The following CCDC91 variants were observed in gnomAD, a reference collection of about 807,000 sequenced individuals.
CCDC91 encodes coiled-coil domain containing 91.
In CCDC91, 48 loss-of-function variants were observed where a neutral mutation model predicts 63.2. That is an observed-to-expected ratio of 0.76 (90% CI 0.60 to 0.97). The LOEUF (loss-of-function observed/expected upper bound fraction) is 0.97, where lower values mean the gene tolerates loss of function less well. CCDC91 is among the 50% of genes least tolerant of loss of function. The pLI is 0.00. For synonymous variants in CCDC91, 167 were observed against 165.8 expected (o/e 1.01, Z -0.06); for missense variants, 500 against 494.6 (o/e 1.01, Z -0.10).
chr12:28,537,495 T>G (rs1942271132), intron 12 of CCDC91, among the ~76,000 whole-genome samples: 1 of 152,210 alleles, frequency 6.6e-6, no homozygotes, highest in Non-Finnish European at 1.5e-5. Flanking sequence ...AGTTTTGTTT[T>G]TGTTGTAACA....
At chr12:28,191,842 T>C (rs187232606) in intron 1 of CCDC91, among the ~76,000 whole-genome samples, 1 of 152,290 alleles carries the variant, frequency 6.6e-6, no homozygotes, top group African/African-American at 2.4e-5. Context: ...CTGCATGGTG[T>C]TGGCTAACCA....
chr12:28,408,793 C>T (rs1480213459), intron 8 of CCDC91, among the ~76,000 whole-genome samples: 2 of 152,024 alleles, frequency 1.3e-5, no homozygotes, highest in Non-Finnish European at 1.5e-5. Context: ...CAGGTGTGCA[C>T]CACAATGCCT....
At chr12:28,501,788 T>C (rs1159991380) in intron 12 of CCDC91, among the ~76,000 whole-genome samples, 21 of 151,820 alleles carry the variant, frequency 1.4e-4, no homozygotes, top group African/African-American at 4.8e-4. Context: ...ATGGTACCAG[T>C]TCCTCCTTGT....
chr12:28,482,452 T>C (rs886197339), intron 11 of CCDC91, among the ~76,000 whole-genome samples: 1 of 151,936 alleles, frequency 6.6e-6, no homozygotes, highest in Non-Finnish European at 1.5e-5. Flanking sequence ...CAGTTAATTT[T>C]ATAAGGAAGG....
intron 12 of CCDC91, among the ~76,000 whole-genome samples, chr12:28,510,867 G>C (rs565207733): frequency 1.3e-5 from 2 of 151,932 alleles, no homozygotes; most frequent in African/African-American, 4.8e-5. Flanking sequence ...TGGGAAGAAA[G>C]TCTTAGCATG....
intron 12 of CCDC91, among the ~76,000 whole-genome samples, chr12:28,497,588 T>C (rs1952374028): frequency 6.6e-6 from 1 of 151,582 alleles, no homozygotes; most frequent in African/African-American, 2.4e-5. Context: ...TATGAACATC[T>C]GATTTGAAGT....
intron 12 of CCDC91, among the ~76,000 whole-genome samples, chr12:28,538,014 T>C (rs1272990108): frequency 6.6e-6 from 1 of 152,122 alleles, no homozygotes; most frequent in Non-Finnish European, 1.5e-5. Flanking sequence ...TAATCTCTAA[T>C]TTCTTATATA....
At chr12:28,201,809 C>T (rs560870319) in intron 1 of CCDC91, among the ~76,000 whole-genome samples, 5 of 145,062 alleles carry the variant, frequency 3.4e-5, no homozygotes, top group South Asian at 2.1e-4. Context: ...GCGGATCACT[C>T]GCGGCTAGGA....
intron 3 of CCDC91, chr12:28,268,603 G>T: frequency 1.0e-6 from 1 of 960,818 alleles, no homozygotes; most frequent in Non-Finnish European, 1.2e-6. Context: ...AATTCTTCTT[G>T]TTCGTTAGAA....
At chr12:28,319,814 TAAG>T (rs1382899052) in intron 6 of CCDC91, among the ~76,000 whole-genome samples, 5 of 151,828 alleles carry the variant, frequency 3.3e-5, no homozygotes, top group Admixed American at 6.6e-5. Context: ...AATATAATAA[TAAG>T]AAGAGAAAAA....
At chr12:28,464,581 A>G (rs1338881245) in intron 11 of CCDC91, among the ~76,000 whole-genome samples, 3 of 152,150 alleles carry the variant, frequency 2.0e-5, no homozygotes, top group Non-Finnish European at 2.9e-5. Flanking sequence ...ATTTCTAGAC[A>G]TATCTTAGGC....
chr12:28,366,974 T>G, intron 7 of CCDC91, among the ~76,000 whole-genome samples: 1 of 151,242 alleles, frequency 6.6e-6, no homozygotes, highest in Admixed American at 6.6e-5. Context: ...TACCTGGAGG[T>G]TTTCATTTTT....
intron 3 of CCDC91, among the ~76,000 whole-genome samples, chr12:28,282,434 A>C (rs2136603784): frequency 6.6e-6 from 1 of 152,264 alleles, no homozygotes; most frequent in African/African-American, 2.4e-5. Context: ...TGCAAAAGAC[A>C]ATATTTCATT....
At chr12:28,487,055 T>C (rs1951764790) in intron 12 of CCDC91, among the ~76,000 whole-genome samples, 1 of 151,994 alleles carries the variant, frequency 6.6e-6, no homozygotes, top group Admixed American at 6.6e-5. Context: ...AAAAATGTGC[T>C]CTTTAGAATA....
intron 12 of CCDC91, among the ~76,000 whole-genome samples, chr12:28,514,500 C>T (rs1324483349): frequency 6.6e-6 from 1 of 151,504 alleles, no homozygotes; most frequent in African/African-American, 2.4e-5. Flanking sequence ...AATTTAATCC[C>T]ATTTGTCAAT....
At chr12:28,251,711 A>C (rs1316011097) in intron 1 of CCDC91, among the ~76,000 whole-genome samples, 3 of 151,980 alleles carry the variant, frequency 2.0e-5, no homozygotes, top group Non-Finnish European at 4.4e-5. Context: ...AGTTTCCCCT[A>C]ATTGTTTAAA....
At chr12:28,283,950 C>A (rs1349453506) in intron 3 of CCDC91, among the ~76,000 whole-genome samples, 1 of 152,140 alleles carries the variant, frequency 6.6e-6, no homozygotes, top group Non-Finnish European at 1.5e-5. Context: ...GTATGTTTGT[C>A]TCTGCCAGGC....
At chr12:28,496,090 A>G (rs1952265833) in intron 12 of CCDC91, among the ~76,000 whole-genome samples, 1 of 151,668 alleles carries the variant, frequency 6.6e-6, no homozygotes, top group Non-Finnish European at 1.5e-5. Context: ...AGCTGCTTTC[A>G]TCTGACTAAG....
intron 6 of CCDC91, among the ~76,000 whole-genome samples, chr12:28,322,302 A>T (rs1220253553): frequency 1.3e-5 from 2 of 151,906 alleles, no homozygotes; most frequent in Non-Finnish European, 2.9e-5. Context: ...AGCACCCTTC[A>T]TGGCAAACAT....
Sources: gnomAD v4.1 joint callset for allele counts (sites outside exome capture counted in the v4.1 genomes callset) on GRCh38, gnomAD v4.1.1 for gene constraint, MANE v1.5 for transcripts, NCBI Gene and HGNC (gene_info 2026-07-23, HGNC 2026-07-21) for gene names.